CPQ: variants seen among roughly 807,000 people sequenced by gnomAD.
CPQ encodes the protein carboxypeptidase Q.
In CPQ, 37 loss-of-function variants were observed where a neutral mutation model predicts 45.7. The observed-to-expected ratio is 0.81, with a 90% confidence interval of 0.62 to 1.07. The LOEUF (loss-of-function observed/expected upper bound fraction) is 1.07, where lower values mean the gene tolerates loss of function less well. Among genes scored for constraint, CPQ ranks in the 50% least tolerant of loss-of-function variants. The pLI, the probability that CPQ is intolerant of heterozygous loss-of-function variation, is 0.00. For synonymous variants in CPQ, 186 were observed against 205.8 expected, an observed-to-expected ratio of 0.90 and a Z score of 0.82; for missense variants, 537 against 572.9, an observed-to-expected ratio of 0.94 and a Z score of 0.64.
In CPQ at chr8:97,136,540, C is replaced by T. The variant is rs186700296; in HGVS notation, c.1256-6480C>T. On this transcript the variant is annotated intron_variant, in intron 7 of 7. Coordinates refer to ENST00000220763, the MANE Select transcript of CPQ (RefSeq NM_016134.4). ...TTTACATCATTCTTTCAAAGTCACC[C>T]AGGTTTTAAGCAGAAGAATTTGAAT... 2.2e-3 allele frequency among the ~76,000 whole-genome samples: 330 copies of T among 152,258 alleles called. 1 individual carries two copies. Among genetic ancestry groups the T allele is most frequent in the Non-Finnish European group, 3.7e-3 (255 of 68,014 alleles).
chr8:97,072,820 CCT>C (rs1810769997), intron 7 of CPQ, among the ~76,000 whole-genome samples: 1 of 152,108 alleles, frequency 6.6e-6, no homozygotes, highest in Non-Finnish European at 1.5e-5. Flanking sequence ...CGTACAATGC[CCT>C]GTGTTCACCT....
At chr8:96,996,049 G>A (rs1809173970) in intron 5 of CPQ, among the ~76,000 whole-genome samples, 1 of 151,972 alleles carries the variant, frequency 6.6e-6, no homozygotes, top group Admixed American at 6.6e-5. Flanking sequence ...AGGAAGGCGA[G>A]GAAGGAGAGA....
intron 1 of CPQ, among the ~76,000 whole-genome samples, chr8:96,749,648 A>G (rs1206536475): frequency 2.6e-5 from 4 of 152,188 alleles, no homozygotes; most frequent in African/African-American, 9.7e-5. Flanking sequence ...GGTCTGGTAA[A>G]GAATTTGAGA....
intron 7 of CPQ, among the ~76,000 whole-genome samples, chr8:97,117,424 C>T (rs1265023296): frequency 6.6e-6 from 1 of 152,180 alleles, no homozygotes; most frequent in Non-Finnish European, 1.5e-5. Flanking sequence ...AACTCCTCAA[C>T]CTCAGGCCAG....
At chr8:96,872,450 T>G (rs1041867275) in intron 3 of CPQ, among the ~76,000 whole-genome samples, 2 of 151,928 alleles carry the variant, frequency 1.3e-5, no homozygotes, top group African/African-American at 4.8e-5. Context: ...CGGTACCAGA[T>G]TTTTATTATA....
chr8:96,977,977 A>G (rs1164804597), intron 5 of CPQ, among the ~76,000 whole-genome samples: 1 of 152,204 alleles, frequency 6.6e-6, no homozygotes, highest in African/African-American at 2.4e-5. Flanking sequence ...ATTGAAATAA[A>G]AAAAAATTTT....
intron 3 of CPQ, among the ~76,000 whole-genome samples, chr8:96,845,978 C>T (rs1439201951): frequency 1.3e-5 from 2 of 152,122 alleles, no homozygotes; most frequent in South Asian, 4.1e-4. Context: ...CACCACCACA[C>T]CTGGCTATTT....
intron 1 of CPQ, among the ~76,000 whole-genome samples, chr8:96,726,616 A>G (rs1405212358): frequency 6.6e-6 from 1 of 152,124 alleles, no homozygotes; most frequent in African/African-American, 2.4e-5. Flanking sequence ...TATCTTAAGG[A>G]CAGTGCCAAG....
chr8:96,880,005 G>A lies in CPQ; in HGVS notation c.849G>A (p.Gln283=). The A allele has an allele frequency of 6.2e-6, 10 of 1,611,830 alleles. No homozygotes were observed. The highest frequency in any genetic ancestry group is 8.5e-6 in the Non-Finnish European group (10 of 1,178,024). The part of the protein sequence containing the change: ...AEITGSKYPE[Q]VVLVSGHLDS... The stretch of plus-strand genomic sequence containing the variant: ...TCACTGGGAGCAAATATCCAGAACA[G>A]GTGAGTGAAGGAGAAGGCTGGCCTA... The change falls in exon 4 of 8, where the codon CAG becomes CAA. Residue 283 remains glutamine (Q), a splice_region_variant and synonymous_variant. Coordinates refer to ENST00000220763, the MANE Select transcript of CPQ (RefSeq NM_016134.4).
At chr8:96,815,305 A>G (rs532991172) in intron 2 of CPQ, among the ~76,000 whole-genome samples, 2 of 152,234 alleles carry the variant, frequency 1.3e-5, no homozygotes, top group South Asian at 2.1e-4. Flanking sequence ...TTTAATCTAC[A>G]TTGGTTATCA....
intron 3 of CPQ, among the ~76,000 whole-genome samples, chr8:96,845,046 T>A (rs1811665822): frequency 6.6e-6 from 1 of 152,238 alleles, no homozygotes; most frequent in Admixed American, 6.5e-5. Flanking sequence ...TTGCACTCAC[T>A]GTCCCCTTTG....
intron 4 of CPQ, among the ~76,000 whole-genome samples, chr8:96,885,438 C>T (rs1812289607): frequency 6.6e-6 from 1 of 152,108 alleles, no homozygotes; most frequent in Admixed American, 6.5e-5. Flanking sequence ...TGGACTAACA[C>T]TAGGCAGTGG....
rs1810742918 is a variant in CPQ at position 96,784,962 on chromosome 8, C to A, written c.65C>A (p.Ala22Asp). The A allele has an allele frequency of 6.2e-7, 1 of 1,613,530 alleles. No homozygotes were observed. Among genetic ancestry groups the A allele is most frequent in the African/African-American group, 1.3e-5 (1 of 74,856 alleles). ...VHLLSLCSGK[A>D]ICKNGISKRT... ...CTTTTATCCCTGTGCTCTGGGAAAG[C>A]TATATGCAAGAATGGCATCTCTAAG... Residue 22 changes from alanine (A) to aspartate (D), a missense_variant, in exon 2 of 8, where the codon GCT (alanine) becomes GAT (aspartate). Ala to Asp is a moderately radical substitution (Grantham distance 126). Transcript: ENST00000220763.
chr8:96,987,134 G>C (rs571378633), intron 5 of CPQ, among the ~76,000 whole-genome samples: 1 of 152,162 alleles, frequency 6.6e-6, no homozygotes, highest in African/African-American at 2.4e-5. Flanking sequence ...ACTTGAAGAT[G>C]CCTAAATATG....
chr8:96,775,985 T>C (rs1020020706), intron 1 of CPQ, among the ~76,000 whole-genome samples: 55 of 152,330 alleles, frequency 3.6e-4, no homozygotes, highest in African/African-American at 1.2e-3. Context: ...GGATATTGAA[T>C]AGGGAATTAA....
intron 7 of CPQ, among the ~76,000 whole-genome samples, chr8:97,106,494 G>T (rs1266180466): frequency 6.6e-5 from 10 of 152,214 alleles, no homozygotes; most frequent in Non-Finnish European, 1.3e-4. Flanking sequence ...TGCTCTTGCG[G>T]CACGGCGTCT....
At chr8:97,111,155 G>T (rs1405031470) in intron 7 of CPQ, among the ~76,000 whole-genome samples, 1 of 152,116 alleles carries the variant, frequency 6.6e-6, no homozygotes, top group African/African-American at 2.4e-5. Flanking sequence ...CAGCCAAGCT[G>T]GTCTAATCAT....
intron 1 of CPQ, among the ~76,000 whole-genome samples, chr8:96,706,750 T>G (rs1041783516): frequency 6.6e-6 from 1 of 152,162 alleles, no homozygotes; most frequent in Non-Finnish European, 1.5e-5. Context: ...AGAAAAGTTA[T>G]AGAGGAGGAA....
chr8:97,135,923 G>A (rs530745930), intron 7 of CPQ, among the ~76,000 whole-genome samples: 5 of 152,186 alleles, frequency 3.3e-5, no homozygotes, highest in African/African-American at 1.2e-4. Flanking sequence ...GATTACATAT[G>A]AATGAGAGTC....
Sources: gnomAD v4.1 joint callset for allele counts (sites outside exome capture counted in the v4.1 genomes callset) on GRCh38, gnomAD v4.1.1 for gene constraint, MANE v1.5 for transcripts, NCBI Gene and HGNC (gene_info 2026-07-23, HGNC 2026-07-21) for gene names.